Variants in USP24 observed in about 807,000 individuals in gnomAD.
USP24 encodes ubiquitin specific peptidase 24, also known as ubiquitin carboxyl-terminal hydrolase 24.
USP24 carries 97 observed loss-of-function variants against 361.6 expected under a neutral mutation model. The observed-to-expected ratio is 0.27, with a 90% CI of 0.23 to 0.32. USP24 has a LOEUF of 0.32. USP24 is among the 10% of genes least tolerant of loss of function. The probability of loss-of-function intolerance (pLI) is 1.00; values close to 1 mark genes in which losing one functional copy is unlikely to be tolerated. For missense variants in USP24, 2,353 were observed against 3,165.6 expected (o/e 0.74, Z 6.16); for synonymous variants, 1,098 against 1,124.6 (o/e 0.98, Z 0.47).
intron 3 of USP24, 65 bp from the exon 4 acceptor site, chr1:55,172,585 C>G: frequency 4.7e-6 from 7 of 1,488,466 alleles, no homozygotes; most frequent in Non-Finnish European, 6.3e-6. Context: ...TACAGTTTAT[C>G]AAGTCCATCT....
intron 19 of USP24, among the ~76,000 whole-genome samples, chr1:55,146,590 GGT>G (rs1236462162): frequency 2.6e-5 from 4 of 152,064 alleles, no homozygotes; most frequent in Admixed American, 6.6e-5. Flanking sequence ...CTGTTTTTGG[GGT>G]GCAACATCAT....
intron 2 of USP24, 52 bp from the exon 3 acceptor site, chr1:55,176,495 A>G: frequency 6.7e-7 from 1 of 1,490,730 alleles, no homozygotes; most frequent in Non-Finnish European, 9.1e-7. Flanking sequence ...ACTCAGAAAG[A>G]CCTTAGTAAA....
intron 3 of USP24, among the ~76,000 whole-genome samples, chr1:55,173,717 C>T (rs1181715589): frequency 1.3e-5 from 2 of 152,168 alleles, no homozygotes; most frequent in African/African-American, 4.8e-5. Context: ...TAATTAGCCG[C>T]ACTACTTGCT....
chr1:55,125,535 C>T lies in USP24; in HGVS notation c.3745G>A (p.Gly1249Arg), dbSNP rs1367194571. The part of the protein sequence containing the change: ...CLQLARFLLV[G>R]QTMPTLLDED... ...TCTAATAACGTGGGCATTGTTTGTCCGACAAGTAAAAATCTTAAAAAGAAA... is the reference window on the plus strand; with the variant it reads ...TCTAATAACGTGGGCATTGTTTGTCTGACAAGTAAAAATCTTAAAAAGAAA... The change falls in exon 34 of 68, where the codon GGA becomes AGA. Residue 1249 changes from glycine to arginine, a missense_variant. Transcript: ENST00000294383. 6.2e-6 allele frequency: 10 copies of T among 1,612,494 alleles called. No individual in the cohort carries two copies. The highest frequency in any genetic ancestry group is 1.7e-5 in the Admixed American group (1 of 59,826).
chr1:55,211,179 TAA>T (rs2100959230), intron 1 of USP24, among the ~76,000 whole-genome samples: 1 of 152,308 alleles, frequency 6.6e-6, no homozygotes, highest in African/African-American at 2.4e-5. Flanking sequence ...AGCCATGCAG[TAA>T]AGAGTGAAGA....
At position 55,152,232 on chromosome 1, in the gene USP24, T is replaced by C. The variant is rs963421494; in HGVS notation, c.1860+1638A>G. The stretch of plus-strand genomic sequence containing the variant: ...CAGTGGGGAAATAAAAAAGAAAGAA[T>C]ATTCCTTTCGAGTCTCACAAAATAA... On this transcript the variant is annotated intron_variant, in intron 16 of 67. Coordinates refer to ENST00000294383, the MANE Select transcript of USP24 (RefSeq NM_015306.3). Among the ~76,000 whole-genome samples the C allele has an allele frequency of 3.5e-4, 54 of 152,218 alleles. 1 individual carries two copies. Among genetic ancestry groups the C allele is most frequent in the Non-Finnish European group, 8.8e-5 (6 of 68,024 alleles).
chr1:55,155,700 A>T (rs1321691499), intron 12 of USP24, among the ~76,000 whole-genome samples: 1 of 152,114 alleles, frequency 6.6e-6, no homozygotes, highest in Non-Finnish European at 1.5e-5. Flanking sequence ...CTGCCAGCCA[A>T]CTTCCTGTTA....
At chr1:55,190,616 C>A (rs1443390523) in intron 1 of USP24, among the ~76,000 whole-genome samples, 1 of 152,136 alleles carries the variant, frequency 6.6e-6, no homozygotes, top group African/African-American at 2.4e-5. Flanking sequence ...ACAAAAGTAA[C>A]CATTAATGGT....
chr1:55,175,420 G>T (rs2100815180), intron 3 of USP24, among the ~76,000 whole-genome samples: 1 of 151,936 alleles, frequency 6.6e-6, no homozygotes, highest in Non-Finnish European at 1.5e-5. Context: ...TAGAGATAGG[G>T]TTTCACTATG....
chr1:55,106,532 T>G (rs933497250), intron 40 of USP24, among the ~76,000 whole-genome samples: 6 of 152,154 alleles, frequency 3.9e-5, no homozygotes, highest in African/African-American at 1.4e-4. Flanking sequence ...AGCTTTCACT[T>G]TAGAAACAGA....
chr1:55,101,451 T>G lies in USP24; in HGVS notation c.5145+133A>C, dbSNP rs905554361. Reference sequence around the variant, plus strand: ...TATACACAACATGTCTTTACACATTTCAGGAGCTACTAAAGAATTGCAAGT... The same window carrying G: ...TATACACAACATGTCTTTACACATTGCAGGAGCTACTAAAGAATTGCAAGT... On this transcript the variant is annotated intron_variant, in intron 43 of 67. Coordinates refer to ENST00000294383, the MANE Select transcript of USP24 (RefSeq NM_015306.3). 1.5e-5 allele frequency: 18 copies of G among 1,233,038 alleles called. No individual in the cohort carries two copies. In the African/African-American group the frequency reaches 2.6e-4, roughly 18 times the overall value. The allele number at this position is 1,233,038 out of a possible 1,614,324, so 76.4% of individuals were successfully genotyped here.
chr1:55,100,334 T>C (rs1407320948), intron 44 of USP24, among the ~76,000 whole-genome samples: 1 of 151,966 alleles, frequency 6.6e-6, no homozygotes, highest in Non-Finnish European at 1.5e-5. Flanking sequence ...CCATCTCTAC[T>C]GAAAACACAA....
At position 55,177,988 on chromosome 1, in the gene USP24, A is replaced by T. The variant is rs750515461; in HGVS notation, c.469T>A (p.Ser157Thr). The stretch of plus-strand genomic sequence containing the variant: ...TTACCAAGTCTTGCTAGGTAGGTAG[A>T]TGCCAACAGGCATTTGCCTAGTGAT... ...EESLGKCLLA[S>T]TYLARLGLSE... Residue 157 changes from serine (S) to threonine (T), a missense_variant, in exon 2 of 68, where the codon TCT becomes ACT. Coordinates refer to ENST00000294383, the MANE Select transcript of USP24 (RefSeq NM_015306.3). 6.4e-7 allele frequency: 1 copy of T among 1,551,608 alleles called. No homozygotes were observed. Among genetic ancestry groups the T allele is most frequent in the South Asian group, 1.2e-5 (1 of 84,054 alleles).
At chr1:55,083,919 GA>G in intron 56 of USP24, 31 bp from the exon 57 acceptor site, 2 of 1,477,964 alleles carry the variant, frequency 1.4e-6, no homozygotes, top group Non-Finnish European at 1.8e-6. Context: ...ATTACATGAA[GA>G]AAAAGAACGT....
chr1:55,109,094 T>A (rs1345337682), intron 39 of USP24, among the ~76,000 whole-genome samples: 1 of 152,240 alleles, frequency 6.6e-6, no homozygotes, highest in Non-Finnish European at 1.5e-5. Flanking sequence ...GTTCAAGCGA[T>A]TCTCCTGCTT....
intron 21 of USP24, among the ~76,000 whole-genome samples, chr1:55,143,557 A>G (rs1199098422): frequency 6.6e-6 from 1 of 152,208 alleles, no homozygotes; most frequent in Non-Finnish European, 1.5e-5. Context: ...AGGGCTTGTA[A>G]AATCTTGTAA....
intron 6 of USP24, among the ~76,000 whole-genome samples, 182 bp from the exon 7 acceptor site, chr1:55,166,132 T>C (rs1648828403): frequency 6.6e-6 from 1 of 151,734 alleles, no homozygotes; most frequent in Non-Finnish European, 1.5e-5. Flanking sequence ...CAAGCATTTA[T>C]CCTTTGAGTT....
intron 3 of USP24, among the ~76,000 whole-genome samples, chr1:55,175,704 G>T (rs1415739347): frequency 6.6e-6 from 1 of 152,146 alleles, no homozygotes; most frequent in Non-Finnish European, 1.5e-5. Context: ...TGGGGGAAAG[G>T]GCAGTATGTT....
intron 63 of USP24, among the ~76,000 whole-genome samples, chr1:55,074,356 G>A (rs536583568): frequency 4.6e-5 from 7 of 152,250 alleles, no homozygotes; most frequent in African/African-American, 7.2e-5. Context: ...TAAATAGGCC[G>A]GGCATGGTGG....
Sources: allele counts gnomAD v4.1 joint callset (sites outside exome capture counted in the v4.1 genomes callset), GRCh38; gene constraint gnomAD v4.1.1; transcripts MANE v1.5; gene names NCBI Gene and HGNC (gene_info 2026-07-23, HGNC 2026-07-21).